KCNMA1: variants seen among roughly 807,000 people sequenced by gnomAD.
The protein encoded by KCNMA1 is potassium calcium-activated channel subfamily M alpha 1.
KCNMA1 carries 29 observed loss-of-function variants against 140.0 expected under a neutral mutation model. The observed-to-expected ratio is 0.21, with a 90% CI of 0.15 to 0.28. The LOEUF (loss-of-function observed/expected upper bound fraction) is 0.28. Among genes scored for constraint, KCNMA1 ranks in the 10% least tolerant of loss-of-function variants. KCNMA1 has a pLI of 1.00. For synonymous variants in KCNMA1, 612 were observed against 611.9 expected (o/e 1.00, Z 0.00); for missense variants, 880 against 1,602.2 (o/e 0.55, Z 7.70).
At chr10:77,311,483 C>G (rs1387053568) in intron 2 of KCNMA1, among the ~76,000 whole-genome samples, 1 of 152,172 alleles carries the variant, frequency 6.6e-6, no homozygotes, top group Admixed American at 6.5e-5. Flanking sequence ...AGCAAGTCCC[C>G]TTTCTTTGAA....
At chr10:76,884,031 C>CA (rs766405375), downstream of KCNMA1, 16 of 969,408 alleles carry the variant, frequency 1.7e-5, no homozygotes, top group Non-Finnish European at 1.7e-5. Context: ...AGGAAAACCT[C>CA]AAAATTCCAT....
chr10:77,000,892 ATATATATATC>A, intron 19 of KCNMA1, among the ~76,000 whole-genome samples: 1 of 124,300 alleles, frequency 8.0e-6, no homozygotes, highest in Admixed American at 8.0e-5. Context: ...ATATATATAT[ATATATATATC>A]CATCTGCATC....
intron 2 of KCNMA1, among the ~76,000 whole-genome samples, chr10:77,389,312 C>T (rs1294432173): frequency 6.6e-6 from 1 of 152,156 alleles, no homozygotes; most frequent in Non-Finnish European, 1.5e-5. Flanking sequence ...AATGTTTCCT[C>T]GATCCTCAGC....
chr10:76,944,695 T>A (rs2063461542), intron 23 of KCNMA1, 78 bp downstream of exon 23: 4 of 1,349,848 alleles, frequency 3.0e-6, no homozygotes, highest in Admixed American at 3.4e-5. Flanking sequence ...CTCTTTGAAT[T>A]ACTGAGTGAA....
At chr10:77,186,301 AC>A (rs200183241) in intron 3 of KCNMA1, among the ~76,000 whole-genome samples, 2,133 of 152,128 alleles carry the variant, frequency 0.014, 29 homozygotes, top group South Asian at 0.058. Context: ...ATTAAGAGTA[AC>A]CTTTATTTGC....
intron 1 of KCNMA1, among the ~76,000 whole-genome samples, chr10:77,526,118 G>A (rs1425287490): frequency 1.3e-5 from 2 of 152,192 alleles, no homozygotes; most frequent in African/African-American, 4.8e-5. Flanking sequence ...TTGCGGCCAT[G>A]AGAGAAATCA....
chr10:77,260,028 T>C (rs1038520195), intron 2 of KCNMA1, among the ~76,000 whole-genome samples: 2 of 152,284 alleles, frequency 1.3e-5, no homozygotes, highest in African/African-American at 4.8e-5. Context: ...GAAACATGGA[T>C]TACCCTCACT....
At chr10:77,124,531 G>A (rs1399779868) in intron 5 of KCNMA1, among the ~76,000 whole-genome samples, 1 of 151,988 alleles carries the variant, frequency 6.6e-6, no homozygotes, top group African/African-American at 2.4e-5. Context: ...GCTTGCAGGA[G>A]AATCATTTAT....
chr10:76,990,106 G>A (rs1450943013), intron 19 of KCNMA1, among the ~76,000 whole-genome samples: 1 of 152,194 alleles, frequency 6.6e-6, no homozygotes, highest in Non-Finnish European at 1.5e-5. Context: ...AAATAGTGAA[G>A]TTCTGGAACT....
At chr10:76,881,372 T>C (rs889925841), downstream of KCNMA1, among the ~76,000 whole-genome samples, 3 of 152,216 alleles carry the variant, frequency 2.0e-5, no homozygotes, top group Non-Finnish European at 2.9e-5. Context: ...GCCAGTACCC[T>C]TGAAGCACTT....
At chr10:76,944,716 C>A (rs2063467953) in intron 23 of KCNMA1, 57 bp downstream of exon 23, 2 of 1,510,656 alleles carry the variant, frequency 1.3e-6, no homozygotes, top group Non-Finnish European at 1.8e-6. Context: ...GGATATCCCT[C>A]TTGCCAGCCC....
chr10:76,976,139 G>T (rs150055095), intron 19 of KCNMA1, among the ~76,000 whole-genome samples: 1 of 152,272 alleles, frequency 6.6e-6, no homozygotes, highest in African/African-American at 2.4e-5. Flanking sequence ...TGCAGAATAA[G>T]AATTTCAAAA....
At chr10:77,015,792 T>C (rs947408931) in intron 17 of KCNMA1, among the ~76,000 whole-genome samples, 14 of 152,142 alleles carry the variant, frequency 9.2e-5, no homozygotes, top group East Asian at 1.9e-4. Flanking sequence ...GCCCAATTCA[T>C]TGGGGGGTTC....
chr10:76,983,228 G>A (rs757069247), intron 19 of KCNMA1, among the ~76,000 whole-genome samples: 2 of 152,186 alleles, frequency 1.3e-5, no homozygotes, highest in Admixed American at 6.5e-5. Context: ...CCTTGATTTT[G>A]TTGAATCAAT....
At chr10:77,076,643 C>T (rs1180462943) in intron 13 of KCNMA1, among the ~76,000 whole-genome samples, 5 of 152,154 alleles carry the variant, frequency 3.3e-5, no homozygotes, top group Admixed American at 2.6e-4. Context: ...GCTTAGATGC[C>T]CTGCTCTGAA....
chr10:76,989,054 G>T (rs894286472), intron 19 of KCNMA1, among the ~76,000 whole-genome samples: 3 of 152,166 alleles, frequency 2.0e-5, no homozygotes, highest in Non-Finnish European at 4.4e-5. Flanking sequence ...GCCATTTGTA[G>T]AGACACTGCA....
chr10:77,374,894 G>C (rs2094974856), intron 2 of KCNMA1, among the ~76,000 whole-genome samples: 1 of 152,170 alleles, frequency 6.6e-6, no homozygotes, highest in South Asian at 2.1e-4. Context: ...TCTATATTTG[G>C]GGGAAGGAAG....
intron 2 of KCNMA1, among the ~76,000 whole-genome samples, chr10:77,350,153 C>A (rs765251948): frequency 2.0e-5 from 3 of 152,184 alleles, no homozygotes; most frequent in Non-Finnish European, 4.4e-5. Flanking sequence ...CCAGCCACGG[C>A]CTCCCAAAGT....
At chr10:77,589,700 T>A (rs2078399692) in intron 1 of KCNMA1, among the ~76,000 whole-genome samples, 1 of 152,084 alleles carries the variant, frequency 6.6e-6, no homozygotes, top group Non-Finnish European at 1.5e-5. Flanking sequence ...CGGAGTTTCT[T>A]CCTTCTGGTG....
Sources: gnomAD v4.1 joint callset for allele counts (sites outside exome capture counted in the v4.1 genomes callset) on GRCh38, gnomAD v4.1.1 for gene constraint, MANE v1.5 for transcripts, NCBI Gene and HGNC (gene_info 2026-07-23, HGNC 2026-07-21) for gene names.